LARP4B: variants seen among roughly 807,000 people sequenced by gnomAD.
LARP4B encodes La ribonucleoprotein 4B, also known as la-related protein 4B.
In LARP4B, 12 loss-of-function variants were observed where a neutral mutation model predicts 89.8. That is an observed-to-expected ratio of 0.13 (90% CI 0.09 to 0.22). LARP4B has a LOEUF of 0.22. Ranked by LOEUF, LARP4B falls within the 10% of genes least tolerant of loss-of-function variation. The pLI is 1.00. For missense variants in LARP4B, 757 were observed against 947.7 expected, an observed-to-expected ratio of 0.80 and a Z score of 2.64; for synonymous variants, 367 against 363.3, an observed-to-expected ratio of 1.01 and a Z score of -0.12.
intron 1 of LARP4B, among the ~76,000 whole-genome samples, chr10:895,485 G>A (rs2131969141): frequency 6.6e-6 from 1 of 151,768 alleles, no homozygotes. Context: ...ATCACATGAA[G>A]TCAGTTCAAG....
chr10:947,464 GA>G, the LARP4B span, among the ~76,000 whole-genome samples: 1 of 152,140 alleles, frequency 6.6e-6, no homozygotes, highest in Non-Finnish European at 1.5e-5. Context: ...CAGAAAGGAC[GA>G]AAGAAGTGAC....
chr10:982,131 T>C, the LARP4B span, among the ~76,000 whole-genome samples: 1 of 135,428 alleles, frequency 7.4e-6, no homozygotes, highest in South Asian at 2.3e-4. Flanking sequence ...TTTTTTTTTT[T>C]TTGAGATGGA....
chr10:977,160 T>G, the LARP4B span, among the ~76,000 whole-genome samples: 1 of 152,108 alleles, frequency 6.6e-6, no homozygotes, highest in Non-Finnish European at 1.5e-5. Context: ...ATTTATTTAT[T>G]TATTATTTTT....
rs1254135053 is a variant in LARP4B, at chr10:931,575, G to A, written c.-187C>T. On this transcript the variant is annotated 5_prime_UTR_variant, in exon 1 of 18. Coordinates refer to ENST00000316157, the MANE Select transcript of LARP4B (RefSeq NM_015155.3). ...GCCGGGCCGGGCCGGGCCGGAGGTA[G>A]GGGAGAGGGCGGGCGCGAGCTGGCG... 6.5e-5 allele frequency: 10 copies of A among 153,102 alleles called. No individual in the cohort carries two copies. The highest frequency in any genetic ancestry group is 1.2e-4 in the African/African-American group (5 of 41,260). The allele number at this position is 153,102 out of a possible 1,614,324, so 9.5% of individuals were successfully genotyped here. A position where few individuals can be genotyped will look rare whatever the true frequency, so the allele number is the denominator to read the frequency against.
intron 7 of LARP4B, among the ~76,000 whole-genome samples, chr10:838,585 A>T (rs1833351475): frequency 6.6e-6 from 1 of 152,224 alleles, no homozygotes; most frequent in Non-Finnish European, 1.5e-5. Flanking sequence ...CTGTCAGCAC[A>T]GCAAAAATCA....
chr10:965,226 C>T, the LARP4B span, among the ~76,000 whole-genome samples: 18,889 of 152,290 alleles, frequency 0.12, 1,518 homozygotes, highest in Non-Finnish European at 0.18. Flanking sequence ...GGGCTGAGGG[C>T]CCCGCTCGGC....
intron 1 of LARP4B, among the ~76,000 whole-genome samples, chr10:896,979 T>A (rs1397513639): frequency 6.7e-6 from 1 of 149,234 alleles, no homozygotes; most frequent in Non-Finnish European, 1.5e-5. Context: ...AATTCACTTT[T>A]GTGGGAGAAT....
intron 11 of LARP4B, among the ~76,000 whole-genome samples, chr10:828,205 C>T (rs759024329): frequency 3.9e-5 from 6 of 152,170 alleles, no homozygotes; most frequent in East Asian, 3.8e-4. Context: ...CCCTGCCACC[C>T]GGTGTACGCT....
intron 3 of LARP4B, among the ~76,000 whole-genome samples, chr10:880,789 A>C (rs1216726973): frequency 6.6e-6 from 1 of 152,198 alleles, no homozygotes; most frequent in Non-Finnish European, 1.5e-5. Flanking sequence ...CCAGTTTCAC[A>C]CTATGATTAG....
At chr10:951,830 C>A in the LARP4B span, among the ~76,000 whole-genome samples, 7 of 150,240 alleles carry the variant, frequency 4.7e-5, no homozygotes, top group Admixed American at 1.3e-4. Context: ...TAACATACAA[C>A]CTTTAAAAGG....
At chr10:879,790 T>A (rs1035570790) in intron 3 of LARP4B, among the ~76,000 whole-genome samples, 4 of 151,834 alleles carry the variant, frequency 2.6e-5, no homozygotes, top group Admixed American at 2.0e-4. Flanking sequence ...TTCTTTTTTT[T>A]GAGACAGAGT....
chr10:840,459 A>G (rs1247212825), intron 7 of LARP4B, among the ~76,000 whole-genome samples: 1 of 152,182 alleles, frequency 6.6e-6, no homozygotes. Context: ...AAATTTGGAA[A>G]TACGCTTTTA....
At chr10:965,240 C>T in the LARP4B span, among the ~76,000 whole-genome samples, 23 of 152,318 alleles carry the variant, frequency 1.5e-4, no homozygotes, top group Admixed American at 4.6e-4. Context: ...GCTCGGCTGT[C>T]GGCGTCTCCC....
chr10:823,441 C>T (rs1004073509), intron 13 of LARP4B, among the ~76,000 whole-genome samples: 5 of 152,158 alleles, frequency 3.3e-5, no homozygotes, highest in African/African-American at 1.2e-4. Context: ...AGACCACATT[C>T]GTCAGCAAGC....
intron 5 of LARP4B, among the ~76,000 whole-genome samples, chr10:863,305 G>C (rs1834721297): frequency 6.6e-6 from 1 of 150,946 alleles, no homozygotes; most frequent in Non-Finnish European, 1.5e-5. Flanking sequence ...CTCACTGCAA[G>C]CTCCGCCTCC....
chr10:816,919 C>T (rs1474460784), intron 15 of LARP4B, among the ~76,000 whole-genome samples: 1 of 152,182 alleles, frequency 6.6e-6, no homozygotes, highest in Non-Finnish European at 1.5e-5. Flanking sequence ...GACACTGACT[C>T]TGCAGACCTG....
chr10:824,159 A>G (rs1832497003), intron 13 of LARP4B, among the ~76,000 whole-genome samples: 1 of 152,142 alleles, frequency 6.6e-6, no homozygotes, highest in South Asian at 2.1e-4. Context: ...GAAAATCCTG[A>G]CGGTCCTTAC....
chr10:915,054 A>G (rs915603358), intron 1 of LARP4B, among the ~76,000 whole-genome samples: 2 of 152,198 alleles, frequency 1.3e-5, no homozygotes, highest in Non-Finnish European at 2.9e-5. Context: ...CTTTTCTTGG[A>G]GCACTGGTCT....
At chr10:895,000 A>C (rs1166167173) in intron 1 of LARP4B, among the ~76,000 whole-genome samples, 1 of 152,166 alleles carries the variant, frequency 6.6e-6, no homozygotes, top group African/African-American at 2.4e-5. Flanking sequence ...GCCTCGGGCA[A>C]CACAGTGAAA....
Sources: gnomAD v4.1 joint callset for allele counts (sites outside exome capture counted in the v4.1 genomes callset) on GRCh38, gnomAD v4.1.1 for gene constraint, MANE v1.5 for transcripts, NCBI Gene and HGNC (gene_info 2026-07-23, HGNC 2026-07-21) for gene names.